Variants in MAML2 observed in about 807,000 individuals in gnomAD.
The protein encoded by MAML2 is mastermind like transcriptional coactivator 2.
A neutral mutation model predicts 96.1 loss-of-function variants in MAML2; 22 were observed. The ratio of observed to expected loss-of-function variants is 0.23; its 90% CI spans 0.16 to 0.33. The LOEUF is 0.33. MAML2 is among the 10% of genes least tolerant of loss of function. The probability of loss-of-function intolerance (pLI) is 1.00; values close to 1 mark genes in which losing one functional copy is unlikely to be tolerated. For synonymous variants in MAML2, 561 were observed against 521.3 expected (o/e 1.08, Z -1.04); for missense variants, 1,367 against 1,392.4 (o/e 0.98, Z 0.29).
intron 2 of MAML2, among the ~76,000 whole-genome samples, chr11:96,058,055 C>A (rs1299098428): frequency 1.3e-5 from 2 of 152,176 alleles, no homozygotes; most frequent in African/African-American, 4.8e-5. Flanking sequence ...TGTGTCAGAG[C>A]CAGGAAGGCC....
intron 3 of MAML2, among the ~76,000 whole-genome samples, chr11:95,987,607 G>A (rs1857847863): frequency 6.6e-6 from 1 of 152,158 alleles, no homozygotes; most frequent in Admixed American, 6.5e-5. Flanking sequence ...GCCTAACTTA[G>A]AACTGACTTA....
intron 2 of MAML2, among the ~76,000 whole-genome samples, chr11:96,065,415 G>GCATACACA (rs1555003772): frequency 2.7e-5 from 4 of 149,462 alleles, no homozygotes; most frequent in Non-Finnish European, 5.9e-5. Flanking sequence ...GTGCGTGCAT[G>GCATACACA]CACACACACA....
At chr11:96,086,965 C>A (rs1859626257) in intron 2 of MAML2, among the ~76,000 whole-genome samples, 3 of 152,088 alleles carry the variant, frequency 2.0e-5, no homozygotes, top group Admixed American at 6.6e-5. Flanking sequence ...TAAAGAAGGC[C>A]CTGACAGCAC....
intron 1 of MAML2, among the ~76,000 whole-genome samples, chr11:96,163,966 G>A (rs556931264): frequency 1.1e-4 from 16 of 150,608 alleles, no homozygotes; most frequent in Non-Finnish European, 1.9e-4. Flanking sequence ...GGGTTCAAGC[G>A]ATTCTCCTAC....
chr11:96,235,714 A>T (rs1862357646), intron 1 of MAML2, among the ~76,000 whole-genome samples: 1 of 152,228 alleles, frequency 6.6e-6, no homozygotes, highest in Non-Finnish European at 1.5e-5. Flanking sequence ...AGGAATCCAA[A>T]TCAATTAAAA....
intron 1 of MAML2, among the ~76,000 whole-genome samples, chr11:96,325,940 T>C (rs1430429329): frequency 6.6e-6 from 1 of 152,024 alleles, no homozygotes; most frequent in African/African-American, 2.4e-5. Context: ...TTGTTTATGG[T>C]TATCACCTTC....
At chr11:96,024,976 C>T (rs186316968) in intron 2 of MAML2, among the ~76,000 whole-genome samples, 11 of 152,274 alleles carry the variant, frequency 7.2e-5, no homozygotes, top group South Asian at 2.1e-4. Flanking sequence ...TCAGCCACTA[C>T]GGAAAGCAGT....
chr11:96,196,677 T>C (rs952582707), intron 1 of MAML2, among the ~76,000 whole-genome samples: 1 of 152,230 alleles, frequency 6.6e-6, no homozygotes, highest in Non-Finnish European at 1.5e-5. Context: ...CGGCTGCCCC[T>C]TAAACCCTAA....
chr11:96,234,953 C>T (rs1862347294), intron 1 of MAML2, among the ~76,000 whole-genome samples: 1 of 152,216 alleles, frequency 6.6e-6, no homozygotes, highest in Non-Finnish European at 1.5e-5. Flanking sequence ...AAATCTTTCA[C>T]ATTTAAGTGG....
In MAML2 at chr11:96,092,691, G is replaced by GCGTGCTGCTGCATCCGGT; in HGVS notation, c.1339_1340insACCGGATGCAGCAGCACG (p.His446_Ala447insAspArgMetGlnGlnHis). 2 of 1,614,018 alleles carry GCGTGCTGCTGCATCCGGT rather than the reference G, an allele frequency of 1.2e-6. No individual in the cohort carries two copies. Among genetic ancestry groups the GCGTGCTGCTGCATCCGGT allele is most frequent in the Non-Finnish European group, 1.7e-6 (2 of 1,179,906 alleles). On this transcript the variant is annotated inframe_insertion, in exon 2 of 5. Coordinates refer to ENST00000524717, the MANE Select transcript of MAML2 (RefSeq NM_032427.4). The surrounding 1 kb of genome is among the most constrained non-coding windows in gnomAD (Gnocchi z 4.1). ...CTGCTGCTGGTGCTGCTGCATCCGG[G>GCGTGCTGCTGCATCCGGT]CATGCTGCTGACGATTAGCAGCTAT...
chr11:96,183,715 C>A (rs1021460526), intron 1 of MAML2, among the ~76,000 whole-genome samples: 3 of 152,100 alleles, frequency 2.0e-5, no homozygotes, highest in Non-Finnish European at 4.4e-5. Context: ...CAGCCCATTT[C>A]TTTTATTATT....
intron 1 of MAML2, among the ~76,000 whole-genome samples, chr11:96,266,787 A>G (rs1312110753): frequency 6.6e-6 from 1 of 152,156 alleles, no homozygotes; most frequent in East Asian, 1.9e-4. Context: ...TTTTACTCTT[A>G]TGTGGTTAGG....
At chr11:96,074,502 A>G (rs1274994292) in intron 2 of MAML2, among the ~76,000 whole-genome samples, 2 of 152,236 alleles carry the variant, frequency 1.3e-5, no homozygotes, top group South Asian at 2.1e-4. Flanking sequence ...CATGTCTTCA[A>G]TAGATTCTAT....
Position 95,991,716 on chromosome 11 carries a change from T to G in MAML2, c.2147A>C (p.His716Pro). Residue 716 changes from histidine (H) to proline (P), a missense_variant, in exon 3 of 5, where the codon CAC becomes CCC. By Grantham distance (77) the His-to-Pro change is moderately conservative. Transcript: ENST00000524717. ...GCCTGTGTTCTGGCCTACCACAGAG[T>G]GTTGATCCTAAAGAAGAGAAAGGGG... ...QVSQQQRQDQHSVVGQNTGPS... is the reference protein window; with the variant it reads ...QVSQQQRQDQPSVVGQNTGPS... 1 of 1,613,114 alleles carries G rather than the reference T, an allele frequency of 6.2e-7. No individual in the cohort carries two copies. The highest frequency in any genetic ancestry group is 2.2e-5 in the East Asian group (1 of 44,862).
intron 1 of MAML2, among the ~76,000 whole-genome samples, chr11:96,318,433 T>G (rs984900218): frequency 1.3e-5 from 2 of 152,202 alleles, no homozygotes; most frequent in African/African-American, 4.8e-5. Context: ...AAGTGATCAT[T>G]TAAGAGAGTT....
intron 1 of MAML2, among the ~76,000 whole-genome samples, chr11:96,203,760 C>T (rs1421276903): frequency 6.6e-6 from 1 of 152,182 alleles, no homozygotes; most frequent in East Asian, 1.9e-4. Context: ...TGAATCAGTG[C>T]AGGTCAGCCA....
At chr11:96,322,554 T>C (rs575349732) in intron 1 of MAML2, among the ~76,000 whole-genome samples, 99 of 151,866 alleles carry the variant, frequency 6.5e-4, no homozygotes, top group Admixed American at 1.4e-3. Context: ...TAGCCGGGCG[T>C]AGTGGCGGGC....
At chr11:96,314,534 C>A (rs940104163) in intron 1 of MAML2, among the ~76,000 whole-genome samples, 1 of 152,162 alleles carries the variant, frequency 6.6e-6, no homozygotes, top group Admixed American at 6.5e-5. Flanking sequence ...CAGTGCTGCA[C>A]GTATCTAAGA....
intron 4 of MAML2, among the ~76,000 whole-genome samples, chr11:95,982,727 C>A (rs1357614544): frequency 6.6e-6 from 1 of 152,126 alleles, no homozygotes; most frequent in Non-Finnish European, 1.5e-5. Context: ...ATTAAAAAAC[C>A]ATGTTTTAAG....
Sources: allele counts gnomAD v4.1 joint callset (sites outside exome capture counted in the v4.1 genomes callset), GRCh38; gene constraint gnomAD v4.1.1; non-coding constraint Gnocchi (gnomAD v3.1); transcripts MANE v1.5; gene names NCBI Gene and HGNC (gene_info 2026-07-23, HGNC 2026-07-21).